VIT: variants seen among roughly 807,000 people sequenced by gnomAD.
VIT encodes vitrin.
VIT carries 99 observed loss-of-function variants against 78.0 expected under a neutral mutation model. That is an observed-to-expected ratio of 1.27 (90% CI 1.08 to 1.50). The LOEUF (loss-of-function observed/expected upper bound fraction) is 1.50. Ranked by LOEUF, VIT falls within the 40% of genes most tolerant of loss-of-function variation. The pLI, the probability that VIT is intolerant of heterozygous loss-of-function variation, is 0.00. For synonymous variants in VIT, 374 were observed against 334.3 expected (o/e 1.12, Z -1.29); for missense variants, 1,126 against 875.3 (o/e 1.29, Z -3.61).
chr2:36,748,861 T>C (rs577797394), intron 4 of VIT, among the ~76,000 whole-genome samples: 1 of 152,244 alleles, frequency 6.6e-6, no homozygotes, highest in Non-Finnish European at 1.5e-5. Flanking sequence ...AAAACGTCTG[T>C]TCAAAGTGTG....
At chr2:36,734,184 G>A (rs1051373731) in intron 3 of VIT, among the ~76,000 whole-genome samples, 2 of 152,148 alleles carry the variant, frequency 1.3e-5, no homozygotes, top group African/African-American at 4.8e-5. Context: ...TGTGATAACC[G>A]GTGGACTAGA....
chr2:36,814,477 C>G lies in VIT; in HGVS notation c.*116C>G. On this transcript the variant is annotated 3_prime_UTR_variant, in exon 16 of 16. Coordinates refer to ENST00000379242, the MANE Select transcript of VIT (RefSeq NM_053276.4). Reference sequence around the variant, plus strand: ...AAGTCTTGGGCAGGGCATGGAGAAACAAATGTCTTGTTATTATTCTTTGCC... The same window carrying G: ...AAGTCTTGGGCAGGGCATGGAGAAAGAAATGTCTTGTTATTATTCTTTGCC... The G allele has an allele frequency of 1.6e-6, 2 of 1,234,226 alleles. No individual in the cohort carries two copies. Among genetic ancestry groups the G allele is most frequent in the East Asian group, 2.5e-5 (1 of 40,220 alleles). The allele number at this position is 1,234,226 out of a possible 1,614,324, so 76.5% of individuals were successfully genotyped here.
chr2:36,745,844 A>G (rs1424756531), intron 4 of VIT, among the ~76,000 whole-genome samples: 1 of 152,000 alleles, frequency 6.6e-6, no homozygotes, highest in Non-Finnish European at 1.5e-5. Flanking sequence ...GTACTATGTG[A>G]AATAGGAGTG....
chr2:36,724,993 A>G (rs1395695423), intron 2 of VIT, among the ~76,000 whole-genome samples: 2 of 152,232 alleles, frequency 1.3e-5, no homozygotes, highest in African/African-American at 2.4e-5. Flanking sequence ...AAGTGAAAAC[A>G]TGGTCTTTGC....
chr2:36,787,918 T>C lies in VIT; in HGVS notation c.1058+642T>C, dbSNP rs1013377056. On this transcript the variant is annotated intron_variant, in intron 12 of 15. Coordinates refer to ENST00000379242, the MANE Select transcript of VIT (RefSeq NM_053276.4). ...ACCTGCTCTATTATTATACTTAGGA[T>C]AGAAATGGAGGGCTCGTGTTGACAT... 7.9e-5 allele frequency: 34 copies of C among 428,102 alleles called. No homozygotes were observed. In the Admixed American group the frequency reaches 9.4e-4, roughly 12 times the overall value. 26.5% of individuals were successfully genotyped at this position (428,102 alleles called of 1,614,324 possible).
chr2:36,759,932 G>C (rs983668739), intron 6 of VIT, among the ~76,000 whole-genome samples: 1 of 151,928 alleles, frequency 6.6e-6, no homozygotes, highest in Non-Finnish European at 1.5e-5. Context: ...GAGAAGTTAA[G>C]TAAATTAACT....
intron 1 of VIT, among the ~76,000 whole-genome samples, chr2:36,698,837 G>A (rs1025304518): frequency 5.9e-5 from 9 of 151,914 alleles, no homozygotes; most frequent in Admixed American, 3.3e-4. Flanking sequence ...CCAGCTACTC[G>A]GGAGGCTGAG....
intron 15 of VIT, among the ~76,000 whole-genome samples, chr2:36,810,063 G>T (rs937331599): frequency 6.6e-6 from 1 of 151,348 alleles, no homozygotes; most frequent in South Asian, 2.1e-4. Context: ...AGGCTGAGGC[G>T]GGCGGATCAC....
intron 9 of VIT, among the ~76,000 whole-genome samples, chr2:36,777,188 C>T (rs921247927): frequency 6.8e-6 from 1 of 147,916 alleles, no homozygotes; most frequent in Non-Finnish European, 1.5e-5. Flanking sequence ...AGAAAGTGCA[C>T]AGTTGTAATT....
intron 12 of VIT, among the ~76,000 whole-genome samples, chr2:36,799,659 G>A (rs189006980): frequency 6.6e-6 from 1 of 151,704 alleles, no homozygotes; most frequent in East Asian, 1.9e-4. Flanking sequence ...TGAGGCTGCA[G>A]TGAGCCAAGA....
At chr2:36,801,489 G>A (rs1033919011) in intron 13 of VIT, 85 bp downstream of exon 13, 6 of 1,210,476 alleles carry the variant, frequency 5.0e-6, no homozygotes, top group South Asian at 1.3e-5. Flanking sequence ...CTATATAAAA[G>A]GAAAAAATAA....
chr2:36,781,473 C>T (rs572274535), intron 9 of VIT, among the ~76,000 whole-genome samples: 3 of 152,240 alleles, frequency 2.0e-5, no homozygotes, highest in African/African-American at 7.2e-5. Context: ...TCCAAGGATT[C>T]CCATTATTCC....
intron 4 of VIT, among the ~76,000 whole-genome samples, chr2:36,749,071 A>C (rs1238387367): frequency 6.6e-6 from 1 of 152,228 alleles, no homozygotes; most frequent in African/African-American, 2.4e-5. Flanking sequence ...AAAAAAGGAC[A>C]ACTGACTTCT....
At chr2:36,803,088 G>T (rs1007747531) in intron 13 of VIT, among the ~76,000 whole-genome samples, 1 of 152,156 alleles carries the variant, frequency 6.6e-6, no homozygotes, top group African/African-American at 2.4e-5. Flanking sequence ...TTCTAGAGCT[G>T]CCAGCTCCAG....
At chr2:36,801,469 T>G in intron 13 of VIT, 65 bp downstream of exon 13, 2 of 1,348,120 alleles carry the variant, frequency 1.5e-6, no homozygotes, top group South Asian at 2.4e-5. Context: ...GTGATTGTCT[T>G]CTAACCATTC....
intron 12 of VIT, among the ~76,000 whole-genome samples, chr2:36,797,323 C>T (rs1665975828): frequency 6.6e-6 from 1 of 152,218 alleles, no homozygotes; most frequent in African/African-American, 2.4e-5. Context: ...AAAACATCCA[C>T]TGCAGAAGCT....
chr2:36,725,698 G>A (rs543246791), intron 2 of VIT, among the ~76,000 whole-genome samples: 10 of 152,198 alleles, frequency 6.6e-5, no homozygotes, highest in East Asian at 1.9e-4. Context: ...GCATTGCCAC[G>A]TTTTTCTTCA....
intron 2 of VIT, among the ~76,000 whole-genome samples, chr2:36,725,602 T>TGGGGGGGGGGGGGGGGGGGG (rs112932967): frequency 2.0e-5 from 1 of 48,816 alleles, no homozygotes; most frequent in Non-Finnish European, 4.0e-5. Flanking sequence ...AGTTGAGGGG[T>TGGGGGGGGGGGGGGGGGGGG]GGGGGGGGGG....
chr2:36,798,117 C>T (rs1666041308), intron 12 of VIT, among the ~76,000 whole-genome samples: 4 of 152,150 alleles, frequency 2.6e-5, no homozygotes, highest in Non-Finnish European at 5.9e-5. Flanking sequence ...ACAGCCTTAA[C>T]ATGATAGTTG....
Sources: allele counts gnomAD v4.1 joint callset (sites outside exome capture counted in the v4.1 genomes callset), GRCh38; gene constraint gnomAD v4.1.1; transcripts MANE v1.5; gene names NCBI Gene and HGNC (gene_info 2026-07-23, HGNC 2026-07-21).